The following INVS variants were observed in gnomAD, a reference collection of about 807,000 sequenced individuals.
The protein encoded by INVS is inversion of embryo turning homolog.
Under a neutral mutation model 108.8 loss-of-function variants are expected in INVS, and 86 were observed. The ratio of observed to expected loss-of-function variants is 0.79; its 90% CI spans 0.66 to 0.95. The LOEUF is 0.95. Among genes scored for constraint, INVS ranks in the 40% least tolerant of loss-of-function variants. The pLI is 0.00. For missense variants in INVS, 1,169 were observed against 1,297.4 expected, an observed-to-expected ratio of 0.90 and a Z score of 1.52; for synonymous variants, 455 against 473.5, an observed-to-expected ratio of 0.96 and a Z score of 0.51.
chr9:100,135,971 C>T (rs558595389), intron 3 of INVS, among the ~76,000 whole-genome samples: 1 of 151,756 alleles, frequency 6.6e-6, no homozygotes, highest in East Asian at 1.9e-4. Flanking sequence ...GTTATGGAGC[C>T]AGAGGGACAG....
chr9:100,175,539 C>T, intron 3 of INVS: 1 of 738,994 alleles, frequency 1.4e-6, no homozygotes. Context: ...CATCCTGAAT[C>T]TTAGCTACAA....
At chr9:100,153,191 A>G (rs1424464103) in intron 3 of INVS, among the ~76,000 whole-genome samples, 1 of 152,132 alleles carries the variant, frequency 6.6e-6, no homozygotes, top group Non-Finnish European at 1.5e-5. Flanking sequence ...AGTGATAGGA[A>G]AAAGACTAAT....
intron 3 of INVS, among the ~76,000 whole-genome samples, chr9:100,164,756 T>C (rs1157549586): frequency 6.6e-6 from 1 of 152,150 alleles, no homozygotes; most frequent in Non-Finnish European, 1.5e-5. Context: ...GTCTCATAAA[T>C]GTCATAAATG....
At position 100,229,840 on chromosome 9, in the gene INVS, G is replaced by A. The variant is rs761240492; in HGVS notation, c.615+13G>A. On this transcript the variant is annotated intron_variant, in intron 5 of 16. Coordinates refer to ENST00000262457, the MANE Select transcript of INVS (RefSeq NM_014425.5). ...GAGATGCATTCTGGTGAGTTGAATG[G>A]TACTGCTAGACCTGAATGGCCTTGA... is the stretch of plus-strand genomic sequence containing the variant. The A allele has an allele frequency of 6.2e-7, 1 of 1,613,592 alleles. No homozygotes were observed. Among genetic ancestry groups the A allele is most frequent in the Admixed American group, 1.7e-5 (1 of 60,014 alleles).
At chr9:100,265,847 C>A (rs1404205564) in intron 11 of INVS, among the ~76,000 whole-genome samples, 1 of 152,142 alleles carries the variant, frequency 6.6e-6, no homozygotes, top group Admixed American at 6.5e-5. Flanking sequence ...GAGGCCAAGG[C>A]GAGCAGATCA....
rs968034787 is a variant in INVS at position 100,294,662 on chromosome 9, G to C, written c.2786+1619G>C. 2.6e-5 allele frequency among the ~76,000 whole-genome samples: 4 copies of C among 152,170 alleles called. No homozygotes were observed. The East Asian group carries it at 7.7e-4, about 29-fold the overall frequency. On this transcript the variant is annotated intron_variant, in intron 14 of 16. Transcript: ENST00000262457. Reference sequence around the variant, plus strand: ...CAAGGGCCTTTCCCTTACATTATTAGTGAAGTTAGTTTTTGCTGTGGTCAA... The same window carrying C: ...CAAGGGCCTTTCCCTTACATTATTACTGAAGTTAGTTTTTGCTGTGGTCAA...
chr9:100,204,519 AG>A (rs1262906698), intron 3 of INVS, among the ~76,000 whole-genome samples: 1 of 152,156 alleles, frequency 6.6e-6, no homozygotes, highest in Non-Finnish European at 1.5e-5. Flanking sequence ...AAACAGTTCA[AG>A]TATGTGCAAA....
At chr9:100,176,488 T>G (rs896579398) in intron 3 of INVS, among the ~76,000 whole-genome samples, 1 of 152,148 alleles carries the variant, frequency 6.6e-6, no homozygotes, top group African/African-American at 2.4e-5. Flanking sequence ...TTTTATTTAT[T>G]TATTTAGAGA....
At chr9:100,234,992 G>T (rs942674030) in intron 5 of INVS, among the ~76,000 whole-genome samples, 6 of 152,116 alleles carry the variant, frequency 3.9e-5, no homozygotes, top group East Asian at 3.8e-4. Context: ...TTATTGTGTG[G>T]GAGTGTAAGT....
chr9:100,186,923 AT>A (rs1440845631), intron 3 of INVS, among the ~76,000 whole-genome samples: 3 of 151,894 alleles, frequency 2.0e-5, no homozygotes, highest in Non-Finnish European at 4.4e-5. Flanking sequence ...TTAGTCATAA[AT>A]TTTTGCCTAG....
chr9:100,118,138 G>A (rs1174729703), intron 2 of INVS, among the ~76,000 whole-genome samples: 4 of 149,550 alleles, frequency 2.7e-5, no homozygotes, highest in African/African-American at 4.9e-5. Flanking sequence ...CTGGCCTCAC[G>A]TGATCCTCCT....
At chr9:100,277,370 G>C (rs1334069816) in intron 12 of INVS, among the ~76,000 whole-genome samples, 5 of 152,184 alleles carry the variant, frequency 3.3e-5, no homozygotes, top group Non-Finnish European at 5.9e-5. Flanking sequence ...CCATGTGTCT[G>C]ACTCATCTGC....
chr9:100,200,424 A>C (rs1830502004), intron 3 of INVS, among the ~76,000 whole-genome samples: 1 of 152,118 alleles, frequency 6.6e-6, no homozygotes, highest in Non-Finnish European at 1.5e-5. Context: ...CTTCCTCTAA[A>C]GAATGTTGAC....
chr9:100,301,987 T>TGTATC lies in INVS; in HGVS notation c.*1316_*1320dup. 1 of 441,932 alleles carries TGTATC rather than the reference T, an allele frequency of 2.3e-6. No homozygotes were observed. Among genetic ancestry groups the TGTATC allele is most frequent in the Non-Finnish European group, 4.0e-6 (1 of 247,704 alleles). The allele number at this position is 441,932 out of a possible 1,614,324, so 27.4% of individuals were successfully genotyped here. A position where few individuals can be genotyped will look rare whatever the true frequency, so the allele number is the denominator to read the frequency against. ...CACAATGCACAACCGCCTATGACCA[T>TGTATC]GTATCGTGTGCTAGTCCGGGAAGCC... On this transcript the variant is annotated 3_prime_UTR_variant, in exon 17 of 17. Coordinates refer to ENST00000262457, the MANE Select transcript of INVS (RefSeq NM_014425.5).
rs538834281 is a variant in INVS at position 100,117,232 on chromosome 9, G to A, written c.107-9151G>A. On this transcript the variant is annotated intron_variant, in intron 2 of 16. Coordinates refer to ENST00000262457, the MANE Select transcript of INVS (RefSeq NM_014425.5). ...ACTTAACACCCAGACCGACGTGGCC[G>A]TTGTAGTCCCCGATAGCAACAAACG... 466 of 877,818 alleles carry A rather than the reference G, an allele frequency of 5.3e-4. 3 individuals are homozygous for A. In the African/African-American group the frequency reaches 6.3e-3, roughly 12 times the overall value. The allele number at this position is 877,818 out of a possible 1,614,324, so 54.4% of individuals were successfully genotyped here. A position where few individuals can be genotyped will look rare whatever the true frequency, so the allele number is the denominator to read the frequency against.
chr9:100,276,251 T>C (rs979161632), intron 12 of INVS, among the ~76,000 whole-genome samples: 1 of 152,236 alleles, frequency 6.6e-6, no homozygotes, highest in Non-Finnish European at 1.5e-5. Flanking sequence ...TTCAGTTGCC[T>C]ACTGGGCATT....
At chr9:100,149,818 A>G (rs904696808) in intron 3 of INVS, among the ~76,000 whole-genome samples, 3 of 152,204 alleles carry the variant, frequency 2.0e-5, no homozygotes, top group African/African-American at 4.8e-5. Flanking sequence ...TTAGCTTCAT[A>G]GTAGCTTCAT....
intron 11 of INVS, among the ~76,000 whole-genome samples, chr9:100,266,121 G>A (rs1323123242): frequency 6.6e-6 from 1 of 152,042 alleles, no homozygotes; most frequent in Non-Finnish European, 1.5e-5. Context: ...AAGGAATAGC[G>A]ATTCTTGGTG....
At chr9:100,208,691 G>C (rs1830744226) in intron 3 of INVS, among the ~76,000 whole-genome samples, 1 of 152,186 alleles carries the variant, frequency 6.6e-6, no homozygotes, top group African/African-American at 2.4e-5. Flanking sequence ...AACAAAATTT[G>C]TTGCATTTAG....
Sources: allele counts gnomAD v4.1 joint callset (sites outside exome capture counted in the v4.1 genomes callset), GRCh38; gene constraint gnomAD v4.1.1; transcripts MANE v1.5; gene names NCBI Gene and HGNC (gene_info 2026-07-23, HGNC 2026-07-21).